Variants in PIGT observed in about 807,000 individuals in gnomAD.
PIGT encodes GPI-anchor transamidase component PIGT.
Under a neutral mutation model 66.7 loss-of-function variants are expected in PIGT, and 57 were observed. The observed-to-expected ratio is 0.86, with a 90% CI of 0.69 to 1.07. The LOEUF (loss-of-function observed/expected upper bound fraction) is 1.07, where lower values mean the gene tolerates loss of function less well. Among genes scored for constraint, PIGT ranks in the 50% least tolerant of loss-of-function variants. The pLI is 0.00. For missense variants in PIGT, 725 were observed against 740.4 expected (o/e 0.98, Z 0.24); for synonymous variants, 362 against 320.5 (o/e 1.13, Z -1.38).
Position 45,426,239 on chromosome 20 carries a change from G to A in PIGT, c.*413G>A, listed in dbSNP as rs1437973632. The stretch of plus-strand genomic sequence containing the variant: ...TTGTGGAATAAAAACGGCTGTTTCC[G>A]TGGTTCTTTGCCTCTTGTCCTTGAG... On this transcript the variant is annotated 3_prime_UTR_variant, in exon 12 of 12. Coordinates refer to ENST00000279036, the MANE Select transcript of PIGT (RefSeq NM_015937.6). 7 of 181,180 alleles carry A rather than the reference G, an allele frequency of 3.9e-5. No individual in the cohort carries two copies. The highest frequency in any genetic ancestry group is 2.1e-4 in the Admixed American group (4 of 18,666). The allele number at this position is 181,180 out of a possible 1,614,324, so 11.2% of individuals were successfully genotyped here. A position where few individuals can be genotyped will look rare whatever the true frequency, so the allele number is the denominator to read the frequency against.
chr20:45,424,178 C>T, intron 9 of PIGT, 38 bp from the exon 10 acceptor site: 1 of 1,605,686 alleles, frequency 6.2e-7, no homozygotes, highest in African/African-American at 1.3e-5. Context: ...GTAGCCTGAC[C>T]CCAGGAAAGA....
chr20:45,419,259 C>A, intron 3 of PIGT, 36 bp from the exon 4 acceptor site: 2 of 1,561,000 alleles, frequency 1.3e-6, no homozygotes, highest in Non-Finnish European at 1.8e-6. Context: ...GGTCAGAGCC[C>A]AAGGCCCACC....
intron 6 of PIGT, 44 bp from the exon 7 acceptor site, chr20:45,420,288 G>A (rs574145282): frequency 6.3e-7 from 1 of 1,594,248 alleles, no homozygotes; most frequent in East Asian, 2.2e-5. Context: ...ATGTGGACTA[G>A]GCCTAGGCCT....
chr20:45,420,338 C>T lies in PIGT; in HGVS notation c.776C>T (p.Ser259Phe), dbSNP rs756518985. 1.9e-6 allele frequency: 3 copies of T among 1,612,508 alleles called. No homozygotes were observed. The highest frequency in any genetic ancestry group is 1.7e-5 in the Admixed American group (1 of 59,864). The change falls in exon 7 of 12, where the codon TCC becomes TTC. Residue 259 changes from serine to phenylalanine, a missense_variant. By Grantham distance (155) the Ser-to-Phe change is radical (BLOSUM62 -2). Around this residue, in one of 3 missense-constraint regions of PIGT, gnomAD observed 559 missense variants for 552.7 expected, o/e 1.01. Transcript: ENST00000279036. ...FITGQGKKDWSLFRMFSRTLT... is the reference protein window; with the variant it reads ...FITGQGKKDWFLFRMFSRTLT... ...CCTGCGCTCTGTTTCTCAGACTGGT[C>T]CCTCTTCCGGATGTTCTCCCGAACC...
Position 45,424,258 on chromosome 20 carries a change from ACCT to A in PIGT, c.1281_1283del (p.Leu428del). The A allele has an allele frequency of 6.2e-7, 1 of 1,613,818 alleles. No individual in the cohort carries two copies. Among genetic ancestry groups the A allele is most frequent in the Non-Finnish European group, 8.5e-7 (1 of 1,179,942 alleles). Reference sequence around the variant, plus strand: ...CCTGCCCAGGACCGGCTGCAACCCCACCTCCTGGAGATGCTGATTCAGCTGCCG... The same window carrying A: ...CCTGCCCAGGACCGGCTGCAACCCCACCTGGAGATGCTGATTCAGCTGCCG... On this transcript the variant is annotated inframe_deletion, in exon 10 of 12. Coordinates refer to ENST00000279036, the MANE Select transcript of PIGT (RefSeq NM_015937.6).
intron 9 of PIGT, chr20:45,423,248 T>A (rs1990493862): frequency 6.6e-6 from 1 of 151,688 alleles, no homozygotes; most frequent in Non-Finnish European, 1.5e-5. Flanking sequence ...CTGTTTTTAG[T>A]AGAGATGCGG....
intron 2 of PIGT, 73 bp downstream of exon 2, chr20:45,416,767 C>T: frequency 5.7e-6 from 8 of 1,397,704 alleles, no homozygotes; most frequent in South Asian, 1.4e-5. Context: ...CATCCTGCCA[C>T]TGCTCTTGGG....
At chr20:45,416,862 C>T in intron 2 of PIGT, 168 bp downstream of exon 2, 1 of 578,646 alleles carries the variant, frequency 1.7e-6, no homozygotes, top group Non-Finnish European at 2.9e-6. Flanking sequence ...AATAAACTTC[C>T]CAATCCTAAA....
At chr20:45,420,094 G>A (rs1990256688) in intron 5 of PIGT, 42 bp from the exon 6 acceptor site, 1 of 1,399,436 alleles carries the variant, frequency 7.1e-7, no homozygotes, top group African/African-American at 1.4e-5. Flanking sequence ...TGTGTGGTGA[G>A]AGTGATACCC....
intron 2 of PIGT, chr20:45,417,597 G>A (rs927436686): frequency 1.8e-4 from 27 of 152,140 alleles, no homozygotes; most frequent in African/African-American, 6.0e-4. Flanking sequence ...CAAAGTGTTG[G>A]GATTACAGGC....
At position 45,420,239 on chromosome 20, in the gene PIGT, A is replaced by G; in HGVS notation, c.769+16A>G. 6.2e-7 allele frequency: 1 copy of G among 1,605,220 alleles called. No individual in the cohort carries two copies. The highest frequency in any genetic ancestry group is 8.5e-7 in the Non-Finnish European group (1 of 1,174,154). On this transcript the variant is annotated intron_variant, in intron 6 of 11. Transcript: ENST00000279036. ...GGAAAGAAAGGTAAGTTACCTTGGC[A>G]ACTCATCTGTACCCACCCATGCCAG... is the stretch of plus-strand genomic sequence containing the variant.
rs140850805 is a variant in PIGT at position 45,425,618 on chromosome 20, C to T, written c.1529C>T (p.Thr510Met). The change falls in exon 12 of 12, where the codon ACG becomes ATG. Residue 510 changes from threonine (T) to methionine (M), a missense_variant. Physicochemically the swap from Thr to Met is moderately conservative, Grantham distance 81. This residue lies in a region of PIGT where 162 missense variants were observed against 171.1 expected (regional missense o/e 0.95). Coordinates refer to ENST00000279036, the MANE Select transcript of PIGT (RefSeq NM_015937.6). ...TCTAACTACTTTGTGCGGCTCTACACGGAGCCGCTGCTGGTGAACCTGCCG... is the reference window on the plus strand; with the variant it reads ...TCTAACTACTTTGTGCGGCTCTACATGGAGCCGCTGCTGGTGAACCTGCCG... ...DGSNYFVRLY[T>M]EPLLVNLPTP... is the part of the protein sequence containing the mutation. The T allele has an allele frequency of 2.2e-5, 35 of 1,613,614 alleles. No homozygotes were observed. The highest frequency in any genetic ancestry group is 1.6e-4 in the Middle Eastern group (1 of 6,084).
rs568797174 is a variant in PIGT at position 45,418,329 on chromosome 20, C to T, written c.366-523C>T. On this transcript the variant is annotated intron_variant, in intron 2 of 11. Transcript: ENST00000279036. ...ATACATGAGGCGCTTTCCATGGTGTCAGGGGAAGTACATAGATGACCCAGA... is the reference window on the plus strand; with the variant it reads ...ATACATGAGGCGCTTTCCATGGTGTTAGGGGAAGTACATAGATGACCCAGA... The T allele has an allele frequency of 8.3e-4, 160 of 191,932 alleles. 1 individual carries two copies. The highest frequency in any genetic ancestry group is 1.3e-3 in the Non-Finnish European group (121 of 92,046). 11.9% of individuals were successfully genotyped at this position (191,932 alleles called of 1,614,324 possible). A position where few individuals can be genotyped will look rare whatever the true frequency, so the allele number is the denominator to read the frequency against.
chr20:45,420,470 T>C (rs1990290400), intron 7 of PIGT, 41 bp downstream of exon 7: 1 of 1,610,162 alleles, frequency 6.2e-7, no homozygotes, highest in Non-Finnish European at 8.5e-7. Context: ...ACACCGCTGG[T>C]CCCCAGGACC....
chr20:45,420,886 A>G, intron 8 of PIGT, 193 bp downstream of exon 8: 1 of 612,880 alleles, frequency 1.6e-6, no homozygotes. Context: ...CAGCATCCAC[A>G]TCTGAAAAAT....
Position 45,424,584 on chromosome 20 carries a change from G to A in PIGT, c.1484+5G>A. 3 of 1,611,854 alleles carry A rather than the reference G, an allele frequency of 1.9e-6. No individual in the cohort carries two copies. Among genetic ancestry groups the A allele is most frequent in the South Asian group, 2.2e-5 (2 of 91,044 alleles). ...GAGTCCCCTCTTCAACAGCCTGTAA[G>A]TGTGACCACACTCACTGATAACACA... On this transcript the variant is annotated splice_donor_5th_base_variant and intron_variant, in intron 11 of 11. Coordinates refer to ENST00000279036, the MANE Select transcript of PIGT (RefSeq NM_015937.6).
rs1990677124 is a variant in PIGT, at chr20:45,425,360, G to C, written c.1485-214G>C. On this transcript the variant is annotated intron_variant, in intron 11 of 11. Coordinates refer to ENST00000279036, the MANE Select transcript of PIGT (RefSeq NM_015937.6). ...TAGGTTTTAAGCCCCGCATGCATTA[G>C]GTATTTGTCCTAATGCTCTCCCTCC... 1.6e-4 allele frequency: 93 copies of C among 573,656 alleles called. No individual in the cohort carries two copies. The South Asian group carries it at 1.8e-3, about 11-fold the overall frequency. The allele number at this position is 573,656 out of a possible 1,614,324, so 35.5% of individuals were successfully genotyped here. A position where few individuals can be genotyped will look rare whatever the true frequency, so the allele number is the denominator to read the frequency against.
rs374933853 is a variant in PIGT at position 45,420,702 on chromosome 20, G to A, written c.1033+9G>A. On this transcript the variant is annotated intron_variant, in intron 8 of 11. Coordinates refer to ENST00000279036, the MANE Select transcript of PIGT (RefSeq NM_015937.6). The stretch of plus-strand genomic sequence containing the variant: ...GAGACCCCCAGAGAATGGTGAGTGG[G>A]TGGTTGGTTGGACTGCTGGGTTGCA... The A allele has an allele frequency of 3.1e-6, 5 of 1,613,672 alleles. No homozygotes were observed. In the African/African-American group the frequency reaches 5.3e-5, roughly 17 times the overall value.
At chr20:45,424,417 CT>C (rs1361917383) in intron 10 of PIGT, 36 bp downstream of exon 10, 3 of 1,613,724 alleles carry the variant, frequency 1.9e-6, no homozygotes, top group Non-Finnish European at 1.7e-6. Flanking sequence ...TCTCATCCCC[CT>C]GACCTACCCT....
Sources: gnomAD v4.1 joint callset for allele counts on GRCh38, gnomAD v4.1.1 for gene constraint, gnomAD v4.1.1 regional missense constraint, MANE v1.5 for transcripts, NCBI Gene and HGNC (gene_info 2026-07-23, HGNC 2026-07-21) for gene names.